PISD: variants seen among roughly 807,000 people sequenced by gnomAD.
PISD encodes the protein phosphatidylserine decarboxylase proenzyme, mitochondrial.
Under a neutral mutation model 43.5 loss-of-function variants are expected in PISD, and 31 were observed. The observed-to-expected ratio is 0.71, with a 90% confidence interval of 0.54 to 0.96. The LOEUF (loss-of-function observed/expected upper bound fraction) is 0.96. PISD is among the 40% of genes least tolerant of loss of function. PISD has a pLI of 0.00. For missense variants in PISD, 523 were observed against 548.4 expected (o/e 0.95, Z 0.46); for synonymous variants, 259 against 228.7 (o/e 1.13, Z -1.20).
intron 4 of PISD, 67 bp downstream of exon 4, chr22:31,621,582 A>AG (rs139533545): frequency 3.1e-6 from 5 of 1,596,172 alleles, no homozygotes; most frequent in African/African-American, 1.3e-5. Flanking sequence ...GCTGGAGACC[A>AG]GGGGGGCTGT....
intron 1 of PISD, among the ~76,000 whole-genome samples, chr22:31,659,773 G>A (rs897584494): frequency 5.3e-5 from 8 of 151,964 alleles, no homozygotes; most frequent in African/African-American, 9.7e-5. Context: ...TGTTAGAGAC[G>A]GGGTTTCAGC....
At chr22:31,653,038 T>TAAAA (rs36011234) in intron 1 of PISD, among the ~76,000 whole-genome samples, 1 of 114,386 alleles carries the variant, frequency 8.7e-6, no homozygotes. Flanking sequence ...GACCCTACCT[T>TAAAA]AAAAAAAAAA....
intron 3 of PISD, among the ~76,000 whole-genome samples, chr22:31,644,070 AC>A (rs1321923677): frequency 1.3e-5 from 2 of 151,494 alleles, no homozygotes; most frequent in Admixed American, 6.6e-5. Context: ...AAAAACAAAA[AC>A]AAAAAACTGT....
chr22:31,652,234 C>T (rs923609625), intron 1 of PISD, among the ~76,000 whole-genome samples: 12 of 151,888 alleles, frequency 7.9e-5, no homozygotes, highest in African/African-American at 1.7e-4. Context: ...CGGGTTCAAG[C>T]GATTGTCATG....
Position 31,642,441 on chromosome 22 carries a change from C to A in PISD, c.321+5660G>T, listed in dbSNP as rs576029987. Among the ~76,000 whole-genome samples the A allele has an allele frequency of 2.5e-4, 38 of 150,644 alleles. No homozygotes were observed. The South Asian group carries it at 7.3e-3, about 29-fold the overall frequency. ...CTGCACTCCAGTCTGGGCAACACAG[C>A]AAGAGCCTGCCTCAAAAAAGAAAAA... On this transcript the variant is annotated intron_variant, in intron 3 of 7. Transcript: ENST00000439502.
intron 3 of PISD, among the ~76,000 whole-genome samples, chr22:31,640,827 C>T (rs868620225): frequency 2.0e-5 from 3 of 148,804 alleles, no homozygotes; most frequent in African/African-American, 7.4e-5. Flanking sequence ...GTGATCCACC[C>T]GCCTCGGCCT....
chr22:31,629,331 G>T, intron 3 of PISD: 1 of 492,098 alleles, frequency 2.0e-6, no homozygotes, highest in Non-Finnish European at 2.6e-6. Flanking sequence ...TAGGTGCGAG[G>T]ATGTGTGGGG....
chr22:31,647,073 T>C (rs113127193), intron 3 of PISD, among the ~76,000 whole-genome samples: 5 of 151,948 alleles, frequency 3.3e-5, no homozygotes, highest in African/African-American at 4.8e-5. Context: ...CTAGATTCTA[T>C]TGGAAGAAAA....
At chr22:31,622,406 C>T (rs2072635491) in intron 3 of PISD, among the ~76,000 whole-genome samples, 1 of 152,208 alleles carries the variant, frequency 6.6e-6, no homozygotes, top group South Asian at 2.1e-4. Flanking sequence ...ATACCCTGAG[C>T]ACCAACAGGG....
Position 31,630,910 on chromosome 22 carries a change from C to A in PISD, c.322-9025G>T. 1 of 969,440 alleles carries A rather than the reference C, an allele frequency of 1.0e-6. No individual in the cohort carries two copies. Among genetic ancestry groups the A allele is most frequent in the Middle Eastern group, 5.3e-4 (1 of 1,896 alleles). The allele number at this position is 969,440 out of a possible 1,614,324, so 60.1% of individuals were successfully genotyped here. ...CTCGGGCTCCAGCCACTCAGACTAC[C>A]AGGGGCGGGGGCAGGAGGCCGACCC... On this transcript the variant is annotated intron_variant, in intron 3 of 7. Coordinates refer to ENST00000439502, the MANE Select transcript of PISD (RefSeq NM_001326411.2). The surrounding 1 kb of genome is among the most constrained non-coding windows in gnomAD (Gnocchi z 4.4).
chr22:31,621,764 C>A lies in PISD; in HGVS notation c.443G>T (p.Gly148Val), dbSNP rs753332282. 6.2e-7 allele frequency: 1 copy of A among 1,614,160 alleles called. No homozygotes were observed. Among genetic ancestry groups the A allele is most frequent in the Admixed American group, 1.7e-5 (1 of 60,030 alleles). Residue 148 changes from glycine (G) to valine (V), a missense_variant, in exon 4 of 8, where the codon GGG (glycine) becomes GTG (valine). By Grantham distance (109) the Gly-to-Val change is moderately radical (BLOSUM62 -3). Coordinates refer to ENST00000439502, the MANE Select transcript of PISD (RefSeq NM_001326411.2). ...CACAGCGGCCTCTTTCATGTTCACC[C>A]CAAACGTCCAGATGTACAGGCTGTA... ...PVYSLYIWTFGVNMKEAAVED... is the reference protein window; with the variant it reads ...PVYSLYIWTFVVNMKEAAVED...
chr22:31,636,880 G>A (rs1319918127), intron 3 of PISD, among the ~76,000 whole-genome samples: 2 of 151,696 alleles, frequency 1.3e-5, no homozygotes, highest in Non-Finnish European at 2.9e-5. Context: ...GTTTCACCAT[G>A]TTGGCCAGGC....
At position 31,628,897 on chromosome 22, in the gene PISD, G is replaced by A; in HGVS notation, c.322-7012C>T. 3 of 985,322 alleles carry A rather than the reference G, an allele frequency of 3.0e-6. No homozygotes were observed. In the South Asian group the frequency reaches 1.4e-4, roughly 46 times the overall value. 61.0% of individuals were successfully genotyped at this position (985,322 alleles called of 1,614,324 possible). On this transcript the variant is annotated intron_variant, in intron 3 of 7. Coordinates refer to ENST00000439502, the MANE Select transcript of PISD (RefSeq NM_001326411.2). Reference sequence around the variant, plus strand: ...ACCTCACACTCCGGTGGGGGCAGGGGTTTCCACCACAGGAAAGATGAAATA... The same window carrying A: ...ACCTCACACTCCGGTGGGGGCAGGGATTTCCACCACAGGAAAGATGAAATA...
At chr22:31,636,229 G>T (rs1305150489) in intron 3 of PISD, among the ~76,000 whole-genome samples, 8 of 152,198 alleles carry the variant, frequency 5.3e-5, no homozygotes, top group Non-Finnish European at 1.5e-5. Context: ...TGGTAGACCA[G>T]ACAGGCTGAT....
rs111689818 is a variant in PISD, at chr22:31,633,716, AAAAC to A, written c.322-11835_322-11832del. ...GGCGACAGAGCGAGACTCGTCTCAA[AAAAC>A]AAACAAACAAACAAACAAACAAACG... On this transcript the variant is annotated intron_variant, in intron 3 of 7. Coordinates refer to ENST00000439502, the MANE Select transcript of PISD (RefSeq NM_001326411.2). Among the ~76,000 whole-genome samples the A allele has an allele frequency of 3.4e-3, 510 of 151,916 alleles. 1 individual carries two copies. Among genetic ancestry groups the A allele is most frequent in the African/African-American group, 0.011 (454 of 41,274 alleles).
At chr22:31,620,875 A>G in intron 6 of PISD, 121 bp downstream of exon 6, 2 of 1,384,910 alleles carry the variant, frequency 1.4e-6, no homozygotes, top group Non-Finnish European at 1.9e-6. Context: ...GCCTGCATAA[A>G]GCAGTCAACT....
In PISD at chr22:31,619,060, C is replaced by T. The variant is rs2072325112; in HGVS notation, c.*552G>A. ...AGGGTGATGCGTTCAGCCACAAGCACAAAGACTGCTTTTTCTAAAGAGCAG... is the reference window on the plus strand; with the variant it reads ...AGGGTGATGCGTTCAGCCACAAGCATAAAGACTGCTTTTTCTAAAGAGCAG... On this transcript the variant is annotated 3_prime_UTR_variant, in exon 8 of 8. Transcript: ENST00000439502. 1 of 234,772 alleles carries T rather than the reference C, an allele frequency of 4.3e-6. No individual in the cohort carries two copies. Among genetic ancestry groups the T allele is most frequent in the African/African-American group, 2.3e-5 (1 of 43,314 alleles). The allele number at this position is 234,772 out of a possible 1,614,324, so 14.5% of individuals were successfully genotyped here.
At chr22:31,649,092 C>T (rs113797189) in intron 2 of PISD, among the ~76,000 whole-genome samples, 3 of 152,254 alleles carry the variant, frequency 2.0e-5, no homozygotes, top group African/African-American at 7.2e-5. Flanking sequence ...CAGCGGCTTG[C>T]ACCTATAGTC....
chr22:31,654,443 T>C (rs576801228), intron 1 of PISD, among the ~76,000 whole-genome samples: 262 of 152,198 alleles, frequency 1.7e-3, no homozygotes, highest in Admixed American at 3.5e-3. Flanking sequence ...TCATTGCTCC[T>C]CCAGGGGCCA....
Sources: allele counts gnomAD v4.1 joint callset (sites outside exome capture counted in the v4.1 genomes callset), GRCh38; gene constraint gnomAD v4.1.1; non-coding constraint Gnocchi (gnomAD v3.1); transcripts MANE v1.5; gene names NCBI Gene and HGNC (gene_info 2026-07-23, HGNC 2026-07-21).